Variants in ENTREP2 observed in about 807,000 individuals in gnomAD.
ENTREP2 encodes protein ENTREP2.
the ENTREP2 span, among the ~76,000 whole-genome samples, chr15:29,431,175 G>A: frequency 2.0e-5 from 3 of 152,210 alleles, no homozygotes; most frequent in South Asian, 2.1e-4. Flanking sequence ...ACCAGTGGCC[G>A]GGTTACGTAA....
At chr15:29,150,887 C>A in the ENTREP2 span, among the ~76,000 whole-genome samples, 1 of 151,980 alleles carries the variant, frequency 6.6e-6, no homozygotes, top group South Asian at 2.1e-4. Context: ...CTCAAAGGGG[C>A]AAATTGAGAG....
chr15:29,247,931 T>A, the ENTREP2 span, among the ~76,000 whole-genome samples: 1 of 152,240 alleles, frequency 6.6e-6, no homozygotes, highest in Non-Finnish European at 1.5e-5. Flanking sequence ...GTTCCCACTG[T>A]AGGCCCCAGT....
chr15:29,298,624 T>C, the ENTREP2 span, among the ~76,000 whole-genome samples: 1 of 152,044 alleles, frequency 6.6e-6, no homozygotes, highest in African/African-American at 2.4e-5. Flanking sequence ...AAATGGAGGA[T>C]TGCTTAGAAA....
At chr15:29,119,216 C>G in the ENTREP2 span, among the ~76,000 whole-genome samples, 5,349 of 152,278 alleles carry the variant, frequency 0.035, 363 homozygotes, top group African/African-American at 0.12. Flanking sequence ...GAGACTGTCA[C>G]AGAGAGCTGC....
chr15:29,482,793 T>C, the ENTREP2 span, among the ~76,000 whole-genome samples: 1 of 152,238 alleles, frequency 6.6e-6, no homozygotes, highest in Non-Finnish European at 1.5e-5. Flanking sequence ...ATAATGATGC[T>C]ATAAATATCC....
chr15:29,532,555 T>A, the ENTREP2 span, among the ~76,000 whole-genome samples: 1 of 152,202 alleles, frequency 6.6e-6, no homozygotes, highest in African/African-American at 2.4e-5. Context: ...CAACTCAGAC[T>A]GACTCCTGGT....
At chr15:29,520,130 G>A in the ENTREP2 span, among the ~76,000 whole-genome samples, 3 of 152,132 alleles carry the variant, frequency 2.0e-5, no homozygotes, top group East Asian at 1.9e-4. Context: ...ACATGGATGC[G>A]CATGACGGGT....
chr15:29,212,151 A>C, the ENTREP2 span, among the ~76,000 whole-genome samples: 3 of 151,980 alleles, frequency 2.0e-5, no homozygotes, highest in African/African-American at 7.3e-5. Flanking sequence ...TTTCAATCTT[A>C]CTGCTGGTTA....
the ENTREP2 span, among the ~76,000 whole-genome samples, chr15:29,624,048 T>C: frequency 6.6e-6 from 1 of 152,204 alleles, no homozygotes; most frequent in Admixed American, 6.5e-5. Flanking sequence ...TCCAGTCCCT[T>C]CTTTTGGCCT....
At chr15:29,499,609 C>T in the ENTREP2 span, among the ~76,000 whole-genome samples, 1 of 151,764 alleles carries the variant, frequency 6.6e-6, no homozygotes, top group Non-Finnish European at 1.5e-5. Context: ...CACCTAGGCT[C>T]AAGCAATCCT....
the ENTREP2 span, among the ~76,000 whole-genome samples, chr15:29,512,521 G>A: frequency 7.2e-5 from 11 of 152,190 alleles, no homozygotes; most frequent in Non-Finnish European, 1.5e-4. Context: ...ATGGTATTAG[G>A]AGATGGGGAG....
At chr15:29,533,069 T>A in the ENTREP2 span, among the ~76,000 whole-genome samples, 4 of 152,124 alleles carry the variant, frequency 2.6e-5, no homozygotes, top group South Asian at 8.3e-4. Flanking sequence ...GCTACTTTAT[T>A]CAATTTTCTC....
the ENTREP2 span, among the ~76,000 whole-genome samples, chr15:29,568,558 G>T: frequency 6.6e-6 from 1 of 151,842 alleles, no homozygotes; most frequent in African/African-American, 2.4e-5. Context: ...TTTAGTATTA[G>T]CCAGGCATGG....
At chr15:29,570,118 C>G in the ENTREP2 span, 2 of 147,626 alleles carry the variant, frequency 1.4e-5, no homozygotes, top group Admixed American at 6.7e-5. Context: ...CATGCTGCTC[C>G]GCTCCGGGTT....
chr15:29,579,405 GCTATAT>G, the ENTREP2 span, among the ~76,000 whole-genome samples: 27 of 152,186 alleles, frequency 1.8e-4, no homozygotes, highest in African/African-American at 6.3e-4. Context: ...ATGCAAGCAA[GCTATAT>G]GTTCAGTGGT....
chr15:29,643,795 A>AAAG, the ENTREP2 span, among the ~76,000 whole-genome samples: 9 of 148,154 alleles, frequency 6.1e-5, no homozygotes, highest in Non-Finnish European at 7.4e-5. Context: ...AAAAAAAAAA[A>AAAG]AAAGAAAGAA....
At chr15:29,371,947 GATAA>G in the ENTREP2 span, among the ~76,000 whole-genome samples, 5 of 145,620 alleles carry the variant, frequency 3.4e-5, no homozygotes, top group Non-Finnish European at 7.5e-5. Flanking sequence ...TAGATAGATA[GATAA>G]AGAGATACAA....
the ENTREP2 span, among the ~76,000 whole-genome samples, chr15:29,456,345 T>C: frequency 3.0e-4 from 46 of 152,154 alleles, no homozygotes; most frequent in Middle Eastern, 3.4e-3. Flanking sequence ...TCTGACTGCA[T>C]GGAAGAGGAG....
At chr15:29,482,493 T>G in the ENTREP2 span, among the ~76,000 whole-genome samples, 26 of 152,170 alleles carry the variant, frequency 1.7e-4, no homozygotes, top group South Asian at 1.7e-3. Flanking sequence ...GCCCCACCTA[T>G]TCATCTCTCC....
Sources: gnomAD v4.1 joint callset for allele counts (sites outside exome capture counted in the v4.1 genomes callset) on GRCh38, gnomAD v4.1.1 for gene constraint, MANE v1.5 for transcripts, NCBI Gene and HGNC (gene_info 2026-07-23, HGNC 2026-07-21) for gene names.